OPCML: variants seen among roughly 807,000 people sequenced by gnomAD.
The protein encoded by OPCML is opioid binding protein/cell adhesion molecule like.
A neutral mutation model predicts 37.8 loss-of-function variants in OPCML; 13 were observed. The ratio of observed to expected loss-of-function variants is 0.34; its 90% CI spans 0.22 to 0.55. The LOEUF is 0.55. OPCML is among the 20% of genes least tolerant of loss of function. The pLI is 0.91. For missense variants in OPCML, 341 were observed against 435.6 expected (o/e 0.78, Z 1.93); for synonymous variants, 176 against 168.8 (o/e 1.04, Z -0.33).
intron 2 of OPCML, among the ~76,000 whole-genome samples, chr11:132,725,292 A>C (rs560268): frequency 0.29 from 44,832 of 152,168 alleles, 6,918 homozygotes; most frequent in Middle Eastern, 0.37. Context: ...TGAGGCTTAT[A>C]GTCTCTGAAA....
chr11:133,419,315 A>C, intron 1 of OPCML: 1 of 985,422 alleles, frequency 1.0e-6, no homozygotes, highest in Non-Finnish European at 1.2e-6. Flanking sequence ...TAAACTGGAA[A>C]ATAGGCATGA....
intron 2 of OPCML, among the ~76,000 whole-genome samples, chr11:132,931,479 C>A (rs1436803577): frequency 6.6e-6 from 1 of 152,052 alleles, no homozygotes; most frequent in Non-Finnish European, 1.5e-5. Context: ...AACAAAGAAA[C>A]AATCCAGTTT....
At chr11:133,010,007 C>T (rs1947186489) in intron 1 of OPCML, among the ~76,000 whole-genome samples, 1 of 152,190 alleles carries the variant, frequency 6.6e-6, no homozygotes, top group South Asian at 2.1e-4. Context: ...AAAGTCTCGC[C>T]TCCCCCTAGT....
chr11:133,418,400 G>A, intron 1 of OPCML: 1 of 985,298 alleles, frequency 1.0e-6, no homozygotes, highest in Non-Finnish European at 1.2e-6. Flanking sequence ...ATAGATTGGT[G>A]ATTGATTGGT....
chr11:133,365,144 G>A (rs1462803255), intron 1 of OPCML, among the ~76,000 whole-genome samples: 1 of 151,918 alleles, frequency 6.6e-6, no homozygotes. Context: ...CTCCAGATGT[G>A]CAGTCAGCAG....
At chr11:133,349,271 CTATAAA>C (rs148717333) in intron 1 of OPCML, among the ~76,000 whole-genome samples, 117 of 152,296 alleles carry the variant, frequency 7.7e-4, no homozygotes, top group African/African-American at 2.8e-3. Flanking sequence ...GTACATTGTG[CTATAAA>C]TATAATGATC....
intron 2 of OPCML, among the ~76,000 whole-genome samples, chr11:132,713,560 C>T (rs576210445): frequency 2.0e-5 from 3 of 152,288 alleles, no homozygotes; most frequent in South Asian, 2.1e-4. Flanking sequence ...AATTTCCTAT[C>T]CTAAACCTTA....
At chr11:132,704,602 G>T (rs974963439) in intron 2 of OPCML, among the ~76,000 whole-genome samples, 5 of 152,076 alleles carry the variant, frequency 3.3e-5, no homozygotes, top group African/African-American at 1.2e-4. Context: ...TTCTCAGCAA[G>T]AAAAAAGAAA....
chr11:133,114,914 C>T (rs1247192418), intron 1 of OPCML, among the ~76,000 whole-genome samples: 1 of 151,990 alleles, frequency 6.6e-6, no homozygotes. Context: ...GGTACCCTGT[C>T]CCCATTTATG....
At chr11:133,201,305 C>CT (rs71477789) in intron 1 of OPCML, among the ~76,000 whole-genome samples, 22,150 of 147,636 alleles carry the variant, frequency 0.15, 1,860 homozygotes, top group African/African-American at 0.22. Flanking sequence ...ACAATGCATG[C>CT]TTTTTTTTTT....
chr11:132,460,217 CTT>C (rs373091565), intron 4 of OPCML, among the ~76,000 whole-genome samples: 4 of 145,164 alleles, frequency 2.8e-5, no homozygotes, highest in African/African-American at 2.5e-5. Context: ...GTTAAAGTGA[CTT>C]TTTTTTTTTT....
chr11:133,134,875 G>T (rs564693008), intron 1 of OPCML, among the ~76,000 whole-genome samples: 3 of 152,318 alleles, frequency 2.0e-5, no homozygotes, highest in African/African-American at 7.2e-5. Context: ...GAGCTGTTGT[G>T]CATAATTACA....
intron 2 of OPCML, among the ~76,000 whole-genome samples, chr11:132,909,868 A>T (rs530819120): frequency 3.3e-5 from 5 of 152,246 alleles, no homozygotes; most frequent in Non-Finnish European, 7.3e-5. Context: ...GCATTTAAAG[A>T]GTAATGACTG....
chr11:132,764,699 G>A (rs1242419889), intron 2 of OPCML, among the ~76,000 whole-genome samples: 1 of 152,198 alleles, frequency 6.6e-6, no homozygotes, highest in Non-Finnish European at 1.5e-5. Flanking sequence ...CCACTGAGCA[G>A]AAGAAAGCCA....
At chr11:133,322,403 C>A (rs1943353112) in intron 1 of OPCML, among the ~76,000 whole-genome samples, 1 of 152,174 alleles carries the variant, frequency 6.6e-6, no homozygotes, top group African/African-American at 2.4e-5. Flanking sequence ...CAGAAGTATT[C>A]TTTTCAACTG....
chr11:133,029,763 G>A (rs1472276713), intron 1 of OPCML, among the ~76,000 whole-genome samples: 2 of 152,000 alleles, frequency 1.3e-5, no homozygotes, highest in Non-Finnish European at 2.9e-5. Flanking sequence ...CAGGTACTAC[G>A]CTGCTACTCA....
chr11:132,464,340 A>G (rs1239744736), intron 4 of OPCML, among the ~76,000 whole-genome samples: 3 of 152,154 alleles, frequency 2.0e-5, no homozygotes, highest in Non-Finnish European at 4.4e-5. Context: ...GGGACTTCAC[A>G]CCACGTGACA....
intron 2 of OPCML, among the ~76,000 whole-genome samples, chr11:132,765,464 T>C (rs1946405838): frequency 6.6e-6 from 1 of 152,226 alleles, no homozygotes; most frequent in Non-Finnish European, 1.5e-5. Flanking sequence ...TGGCTCTCCA[T>C]GTAAATACCG....
intron 2 of OPCML, among the ~76,000 whole-genome samples, chr11:132,818,587 T>TTAGA (rs1555193663): frequency 0.014 from 1,920 of 138,000 alleles, 134 homozygotes; most frequent in East Asian, 0.11. Flanking sequence ...TCTCTCTCTC[T>TTAGA]TAGATAGATA....
Sources: gnomAD v4.1 joint callset for allele counts (sites outside exome capture counted in the v4.1 genomes callset) on GRCh38, gnomAD v4.1.1 for gene constraint, MANE v1.5 for transcripts, NCBI Gene and HGNC (gene_info 2026-07-23, HGNC 2026-07-21) for gene names.